Variants in WDPCP observed in about 807,000 individuals in gnomAD.
WDPCP encodes the protein WD repeat-containing and planar cell polarity effector protein fritz homolog.
In WDPCP, 71 loss-of-function variants were observed where a neutral mutation model predicts 93.1. That is an observed-to-expected ratio of 0.76 (90% CI 0.63 to 0.93). The LOEUF (loss-of-function observed/expected upper bound fraction) is 0.93. Among genes scored for constraint, WDPCP ranks in the 40% least tolerant of loss-of-function variants. The probability of loss-of-function intolerance (pLI) is 0.00; values close to 1 mark genes in which losing one functional copy is unlikely to be tolerated. For missense variants in WDPCP, 844 were observed against 887.4 expected, an observed-to-expected ratio of 0.95 and a Z score of 0.62; for synonymous variants, 315 against 315.0, an observed-to-expected ratio of 1.00 and a Z score of 0.00.
At chr2:63,145,816 A>G (rs1416204746) in intron 17 of WDPCP, among the ~76,000 whole-genome samples, 3 of 152,160 alleles carry the variant, frequency 2.0e-5, no homozygotes, top group Admixed American at 2.0e-4. Context: ...CATTTTAACA[A>G]TATTGATTCT....
intron 3 of WDPCP, chr2:63,604,877 GA>G: frequency 6.2e-7 from 1 of 1,613,652 alleles, no homozygotes; most frequent in Non-Finnish European, 8.5e-7. Context: ...GTCACGGTAA[GA>G]AAAATCTGTG....
chr2:63,447,594 T>C (rs990109884), intron 6 of WDPCP, among the ~76,000 whole-genome samples: 1 of 152,146 alleles, frequency 6.6e-6, no homozygotes, highest in African/African-American at 2.4e-5. Context: ...TATTAAAAAA[T>C]TTTAAGACCA....
intron 14 of WDPCP, chr2:63,233,329 CA>C (rs1679099139): frequency 3.6e-6 from 1 of 277,370 alleles, no homozygotes; most frequent in African/African-American, 2.3e-5. Flanking sequence ...CTGGCTTCTT[CA>C]TCATTTGCCA....
chr2:63,833,197 G>A, the WDPCP span, among the ~76,000 whole-genome samples: 1 of 152,200 alleles, frequency 6.6e-6, no homozygotes, highest in Non-Finnish European at 1.5e-5. Context: ...AGGTTGCAGT[G>A]AGCTGAGGCT....
intron 2 of WDPCP, among the ~76,000 whole-genome samples, chr2:63,780,417 A>T (rs1670369651): frequency 6.6e-6 from 1 of 152,214 alleles, no homozygotes; most frequent in Non-Finnish European, 1.5e-5. Context: ...TGACTGCCAG[A>T]ATACAATCTG....
chr2:63,657,248 A>G (rs1710179116), intron 2 of WDPCP, among the ~76,000 whole-genome samples: 1 of 122,954 alleles, frequency 8.1e-6, no homozygotes, highest in African/African-American at 3.2e-5. Context: ...TCTGTCACCC[A>G]GGCTGGAGTG....
chr2:63,499,415 A>G (rs1362850658), intron 1 of WDPCP, among the ~76,000 whole-genome samples: 2 of 152,218 alleles, frequency 1.3e-5, no homozygotes, highest in African/African-American at 4.8e-5. Context: ...TAGGTAGCTA[A>G]TTAGGAACAA....
At chr2:63,338,318 T>C (rs1688538760) in intron 12 of WDPCP, among the ~76,000 whole-genome samples, 1 of 151,502 alleles carries the variant, frequency 6.6e-6, no homozygotes, top group African/African-American at 2.4e-5. Context: ...CCAAGGCGGG[T>C]GGATCACCTG....
intron 1 of WDPCP, among the ~76,000 whole-genome samples, chr2:63,574,270 G>A (rs756951265): frequency 1.1e-4 from 16 of 151,986 alleles, no homozygotes; most frequent in Non-Finnish European, 1.6e-4. Context: ...TGTCTCCCCC[G>A]GACACCCAGC....
chr2:63,506,639 C>G (rs999798769), intron 1 of WDPCP, among the ~76,000 whole-genome samples: 7 of 152,026 alleles, frequency 4.6e-5, no homozygotes, highest in African/African-American at 1.7e-4. Context: ...ACTGGAAGCA[C>G]CAAGTACTTC....
At chr2:63,474,306 T>C (rs1263618625) in intron 6 of WDPCP, among the ~76,000 whole-genome samples, 2 of 152,028 alleles carry the variant, frequency 1.3e-5, no homozygotes, top group Admixed American at 6.6e-5. Flanking sequence ...AATTAGAAAA[T>C]TTATGTTACA....
chr2:63,271,032 G>A (rs1575027545), intron 13 of WDPCP, among the ~76,000 whole-genome samples: 1 of 152,238 alleles, frequency 6.6e-6, no homozygotes, highest in Non-Finnish European at 1.5e-5. Context: ...CCAGAGGGCT[G>A]TAGCATTGAG....
At chr2:63,709,377 C>T (rs1669225596) in intron 2 of WDPCP, among the ~76,000 whole-genome samples, 1 of 152,018 alleles carries the variant, frequency 6.6e-6, no homozygotes, top group Admixed American at 6.6e-5. Context: ...CAGTCCCATC[C>T]CCTTCAGGCT....
chr2:63,353,260 T>C lies in WDPCP; in HGVS notation c.1748+25126A>G, dbSNP rs551496331. On this transcript the variant is annotated intron_variant, in intron 12 of 17. Coordinates refer to ENST00000272321, the MANE Select transcript of WDPCP (RefSeq NM_015910.7). ...GTCCCTAAGGCACACGTAGAGACCA[T>C]GGAGCCTTAGATACTTGGGCTTTCT... Among the ~76,000 whole-genome samples, 192 of 152,284 alleles carry C rather than the reference T, an allele frequency of 1.3e-3. 1 individual carries two copies. Among genetic ancestry groups the C allele is most frequent in the Admixed American group, 3.7e-3 (57 of 15,292 alleles).
At chr2:63,656,373 C>G (rs1383045163) in intron 2 of WDPCP, among the ~76,000 whole-genome samples, 1 of 152,162 alleles carries the variant, frequency 6.6e-6, no homozygotes, top group East Asian at 1.9e-4. Context: ...TTGGAAGTCA[C>G]AGAAATTCAC....
chr2:63,713,365 A>C (rs1401537832), intron 2 of WDPCP, among the ~76,000 whole-genome samples: 1 of 152,166 alleles, frequency 6.6e-6, no homozygotes, highest in African/African-American at 2.4e-5. Flanking sequence ...GCATAGAGGG[A>C]TAGGAATGGT....
intron 2 of WDPCP, among the ~76,000 whole-genome samples, chr2:63,757,198 G>A (rs766510418): frequency 6.6e-6 from 1 of 152,322 alleles, no homozygotes. Flanking sequence ...AGGGGCTACA[G>A]AGACCAATAA....
At chr2:63,222,362 C>G (rs1342101601) in intron 14 of WDPCP, among the ~76,000 whole-genome samples, 6 of 152,126 alleles carry the variant, frequency 3.9e-5, no homozygotes, top group African/African-American at 1.4e-4. Flanking sequence ...CAACAGGATT[C>G]CCTCAACTCC....
chr2:63,591,836 C>T (rs1047559605), upstream of WDPCP, among the ~76,000 whole-genome samples: 15 of 152,314 alleles, frequency 9.8e-5, no homozygotes, highest in African/African-American at 2.9e-4. Flanking sequence ...ATACTCACTA[C>T]GTACTGTTCT....
Sources: allele counts gnomAD v4.1 joint callset (sites outside exome capture counted in the v4.1 genomes callset), GRCh38; gene constraint gnomAD v4.1.1; transcripts MANE v1.5; gene names NCBI Gene and HGNC (gene_info 2026-07-23, HGNC 2026-07-21).